MAGI2: variants seen among roughly 807,000 people sequenced by gnomAD.
The protein encoded by MAGI2 is membrane-associated guanylate kinase, WW and PDZ domain-containing protein 2.
In MAGI2, 35 loss-of-function variants were observed where a neutral mutation model predicts 133.3. The observed-to-expected ratio is 0.26, with a 90% CI of 0.20 to 0.35. The LOEUF is 0.35. Among genes scored for constraint, MAGI2 ranks in the 10% least tolerant of loss-of-function variants. MAGI2 has a pLI of 1.00. For synonymous variants in MAGI2, 729 were observed against 710.6 expected (o/e 1.03, Z -0.41); for missense variants, 1,636 against 1,863.4 (o/e 0.88, Z 2.25).
intron 1 of MAGI2, among the ~76,000 whole-genome samples, chr7:79,294,637 A>G (rs934263486): frequency 6.7e-6 from 1 of 150,046 alleles, no homozygotes; most frequent in South Asian, 2.1e-4. Context: ...TGAACATACT[A>G]GGTGATAACC....
At chr7:79,308,960 C>A (rs991814002) in intron 1 of MAGI2, among the ~76,000 whole-genome samples, 1 of 150,014 alleles carries the variant, frequency 6.7e-6, no homozygotes, top group African/African-American at 2.4e-5. Context: ...TTAAACTTTA[C>A]CCTGATTAAA....
At chr7:79,209,168 T>C (rs1251915390) in intron 1 of MAGI2, among the ~76,000 whole-genome samples, 1 of 151,884 alleles carries the variant, frequency 6.6e-6, no homozygotes, top group African/African-American at 2.4e-5. Flanking sequence ...AAAGTGGATA[T>C]AAAGTGTTCT....
rs573647594 is a variant in MAGI2 at position 79,127,796 on chromosome 7, T to G, written c.302-120590A>C. On this transcript the variant is annotated intron_variant, in intron 1 of 21. Transcript: ENST00000354212. ...TTTCTTTTGCTGTGCAGAAGCTCTTTACTTTAATTAGATCCCATTTGTCAA... is the reference window on the plus strand; with the variant it reads ...TTTCTTTTGCTGTGCAGAAGCTCTTGACTTTAATTAGATCCCATTTGTCAA... 1.4e-4 allele frequency among the ~76,000 whole-genome samples: 22 copies of G among 152,352 alleles called. No individual in the cohort carries two copies. The South Asian group carries it at 3.3e-3, about 23-fold the overall frequency.
chr7:79,358,934 G>C (rs1842198539), intron 1 of MAGI2, among the ~76,000 whole-genome samples: 2 of 152,094 alleles, frequency 1.3e-5, no homozygotes. Context: ...TAACCTAATA[G>C]ACAAAATGCC....
intron 3 of MAGI2, among the ~76,000 whole-genome samples, chr7:78,612,675 T>C (rs1011711668): frequency 1.3e-5 from 2 of 151,924 alleles, no homozygotes; most frequent in Non-Finnish European, 2.9e-5. Context: ...TTATTTTTTT[T>C]AATTTTTTTT....
intron 1 of MAGI2, among the ~76,000 whole-genome samples, chr7:79,333,713 A>T (rs1441900314): frequency 6.6e-6 from 1 of 152,132 alleles, no homozygotes; most frequent in Non-Finnish European, 1.5e-5. Context: ...ATGTTTAATT[A>T]ATTTGTTAAC....
At chr7:79,013,748 C>G (rs577792814) in intron 1 of MAGI2, among the ~76,000 whole-genome samples, 4 of 152,094 alleles carry the variant, frequency 2.6e-5, no homozygotes, top group Non-Finnish European at 5.9e-5. Flanking sequence ...GAGTACTACA[C>G]AAAATCACTG....
intron 1 of MAGI2, among the ~76,000 whole-genome samples, chr7:79,241,219 C>T (rs1832387327): frequency 6.6e-6 from 1 of 152,134 alleles, no homozygotes; most frequent in African/African-American, 2.4e-5. Flanking sequence ...AAGATCATTG[C>T]TGTTCAAAAG....
intron 2 of MAGI2, among the ~76,000 whole-genome samples, chr7:78,815,977 A>G (rs571657504): frequency 6.6e-6 from 1 of 152,212 alleles, no homozygotes; most frequent in African/African-American, 2.4e-5. Flanking sequence ...TTGAAAGACA[A>G]GATAAGCTGA....
At chr7:79,240,189 C>T (rs192194353) in intron 1 of MAGI2, among the ~76,000 whole-genome samples, 5 of 152,054 alleles carry the variant, frequency 3.3e-5, no homozygotes, top group African/African-American at 1.2e-4. Flanking sequence ...GGAAGGGGCC[C>T]AGTGACAGTC....
chr7:78,855,199 C>T (rs1291325722), intron 2 of MAGI2, among the ~76,000 whole-genome samples: 1 of 152,106 alleles, frequency 6.6e-6, no homozygotes, highest in Non-Finnish European at 1.5e-5. Context: ...AGCCATCCTA[C>T]CACCTCAGCC....
At chr7:78,043,593 G>A (rs1017748765) in intron 21 of MAGI2, among the ~76,000 whole-genome samples, 12 of 152,200 alleles carry the variant, frequency 7.9e-5, no homozygotes, top group East Asian at 5.8e-4. Context: ...AGGCCTGTCA[G>A]TGCCTTCTTC....
intron 21 of MAGI2, among the ~76,000 whole-genome samples, chr7:78,063,636 C>A (rs530080529): frequency 6.6e-6 from 1 of 152,248 alleles, no homozygotes; most frequent in East Asian, 1.9e-4. Context: ...ATCTCCCTGA[C>A]TTTCCTTGAA....
intron 2 of MAGI2, among the ~76,000 whole-genome samples, chr7:78,746,152 A>G (rs528242051): frequency 6.6e-6 from 1 of 152,288 alleles, no homozygotes; most frequent in Non-Finnish European, 1.5e-5. Flanking sequence ...ACCCATTGCT[A>G]AAAATATTGC....
rs769549400 is a variant in MAGI2 at position 78,019,735 on chromosome 7, G to A, written c.3948C>T (p.Arg1316=). The change falls in exon 22 of 22, where the codon CGC becomes CGT. Residue 1316 remains arginine (R), a synonymous_variant. Transcript: ENST00000354212. Reference sequence around the variant, plus strand: ...GCGCGGCCCTCTGCGGACTCGCCGAGCGCTCCCTCTGCTCCCCGAGGCGCT... The same window carrying A: ...GCGCGGCCCTCTGCGGACTCGCCGAACGCTCCCTCTGCTCCCCGAGGCGCT... ...KKQRLGEQRE[R]SASPQRAARP... 6 of 1,609,348 alleles carry A rather than the reference G, an allele frequency of 3.7e-6. No homozygotes were observed. The highest frequency in any genetic ancestry group is 2.5e-6 in the Non-Finnish European group (3 of 1,179,032).
intron 3 of MAGI2, among the ~76,000 whole-genome samples, chr7:78,587,451 TA>T (rs890346910): frequency 6.6e-6 from 1 of 152,062 alleles, no homozygotes; most frequent in African/African-American, 2.4e-5. Context: ...TGCAGTTCAT[TA>T]AAAAAAAGTG....
chr7:79,096,667 C>T (rs1157742866), intron 1 of MAGI2, among the ~76,000 whole-genome samples: 1 of 152,090 alleles, frequency 6.6e-6, no homozygotes, highest in African/African-American at 2.4e-5. Flanking sequence ...TGATTCATGC[C>T]TTCCTTAAAA....
At chr7:78,043,960 T>C (rs1811126859) in intron 21 of MAGI2, among the ~76,000 whole-genome samples, 1 of 152,234 alleles carries the variant, frequency 6.6e-6, no homozygotes, top group South Asian at 2.1e-4. Context: ...TTGGGCCAGT[T>C]ACTAGAGTAG....
chr7:79,418,407 T>C (rs972419401), intron 1 of MAGI2, among the ~76,000 whole-genome samples: 2 of 152,070 alleles, frequency 1.3e-5, no homozygotes, highest in Admixed American at 1.3e-4. Context: ...ACTCTGGATG[T>C]TTACATATAC....
Sources: gnomAD v4.1 joint callset for allele counts (sites outside exome capture counted in the v4.1 genomes callset) on GRCh38, gnomAD v4.1.1 for gene constraint, MANE v1.5 for transcripts, NCBI Gene and HGNC (gene_info 2026-07-23, HGNC 2026-07-21) for gene names.